Variants in PLCL2 observed in about 807,000 individuals in gnomAD.
PLCL2 encodes inactive phospholipase C-like protein 2.
PLCL2 carries 4 observed loss-of-function variants against 79.6 expected under a neutral mutation model. The ratio of observed to expected loss-of-function variants is 0.05; its 90% CI spans 0.02 to 0.11. PLCL2 has a LOEUF of 0.11. PLCL2 is among the 10% of genes least tolerant of loss of function. The pLI is 1.00. For synonymous variants in PLCL2, 484 were observed against 457.7 expected (o/e 1.06, Z -0.73); for missense variants, 895 against 1,291.0 (o/e 0.69, Z 4.70).
At chr3:17,078,531 G>A (rs2065130334) in intron 5 of PLCL2, among the ~76,000 whole-genome samples, 1 of 151,950 alleles carries the variant, frequency 6.6e-6, no homozygotes, top group Admixed American at 6.6e-5. Flanking sequence ...TTTTCCAGAT[G>A]AATGGCTGCC....
intron 1 of PLCL2, among the ~76,000 whole-genome samples, chr3:16,925,452 A>T (rs537014540): frequency 6.6e-6 from 1 of 152,260 alleles, no homozygotes; most frequent in African/African-American, 2.4e-5. Context: ...ACAATCCATT[A>T]GTTTTATTGT....
chr3:16,935,023 A>G (rs545741413), intron 1 of PLCL2, among the ~76,000 whole-genome samples: 2 of 152,348 alleles, frequency 1.3e-5, no homozygotes, highest in African/African-American at 2.4e-5. Flanking sequence ...AGAAAGGCTA[A>G]TACGCCAATT....
chr3:17,015,372 C>G (rs1408446288), intron 3 of PLCL2, among the ~76,000 whole-genome samples: 1 of 152,214 alleles, frequency 6.6e-6, no homozygotes, highest in African/African-American at 2.4e-5. Flanking sequence ...GGTTTCCCTT[C>G]TTACAGGAGC....
chr3:16,914,183 G>A (rs2124929916), intron 1 of PLCL2, among the ~76,000 whole-genome samples: 1 of 152,298 alleles, frequency 6.6e-6, no homozygotes, highest in Admixed American at 6.5e-5. Context: ...GAGAGAGAAA[G>A]TAGTTGGAGA....
intron 1 of PLCL2, among the ~76,000 whole-genome samples, chr3:16,955,759 G>C (rs1006484643): frequency 6.6e-6 from 1 of 152,120 alleles, no homozygotes; most frequent in African/African-American, 2.4e-5. Flanking sequence ...TTGTAAGCTG[G>C]ATTCCTAGGT....
In PLCL2 at chr3:17,018,259, A is replaced by G. The variant is rs1229767898; in HGVS notation, c.3018+3348A>G. Among the ~76,000 whole-genome samples, 6 of 152,258 alleles carry G rather than the reference A, an allele frequency of 3.9e-5. No individual in the cohort carries two copies. In the South Asian group the frequency reaches 6.2e-4, roughly 16 times the overall value. On this transcript the variant is annotated intron_variant, in intron 3 of 5. Transcript: ENST00000615277. ...CCTCCCAATGGTGAGCAAGGGCCCTAGAGTCCTCTCCTGCTAGAACCTAGA... is the reference window on the plus strand; with the variant it reads ...CCTCCCAATGGTGAGCAAGGGCCCTGGAGTCCTCTCCTGCTAGAACCTAGA...
At chr3:17,049,877 C>T (rs970213477) in intron 4 of PLCL2, among the ~76,000 whole-genome samples, 14 of 151,966 alleles carry the variant, frequency 9.2e-5, no homozygotes, top group African/African-American at 3.1e-4. Flanking sequence ...ATATTCAAAG[C>T]TATCTGGAGC....
intron 1 of PLCL2, among the ~76,000 whole-genome samples, chr3:16,956,364 T>C (rs941774813): frequency 5.4e-4 from 83 of 152,318 alleles, no homozygotes; most frequent in African/African-American, 1.7e-3. Flanking sequence ...CAGCCTTGCA[T>C]CCCGGGGATG....
At chr3:16,970,359 A>G (rs939685375) in intron 1 of PLCL2, among the ~76,000 whole-genome samples, 18 of 151,116 alleles carry the variant, frequency 1.2e-4, no homozygotes, top group African/African-American at 4.9e-5. Context: ...ATGATTTCCA[A>G]TTTCATCCAT....
At chr3:17,058,863 G>C (rs887931410) in intron 4 of PLCL2, among the ~76,000 whole-genome samples, 26 of 152,120 alleles carry the variant, frequency 1.7e-4, no homozygotes, top group African/African-American at 5.8e-4. Context: ...CCATTTTTCA[G>C]ATGTTTGTAT....
intron 1 of PLCL2, among the ~76,000 whole-genome samples, chr3:16,980,894 G>C (rs2063986460): frequency 6.6e-6 from 1 of 152,258 alleles, no homozygotes; most frequent in Admixed American, 6.5e-5. Context: ...GGCACCTCGG[G>C]AGGCCGAGGC....
intron 1 of PLCL2, among the ~76,000 whole-genome samples, chr3:17,004,453 C>G (rs745528829): frequency 3.3e-5 from 5 of 152,156 alleles, no homozygotes; most frequent in Admixed American, 6.5e-5. Context: ...GTTTCTGTTA[C>G]TTGCAATAAA....
At chr3:17,006,934 G>A (rs192995778) in intron 1 of PLCL2, among the ~76,000 whole-genome samples, 1 of 152,102 alleles carries the variant, frequency 6.6e-6, no homozygotes, top group East Asian at 1.9e-4. Context: ...TAACAAATTA[G>A]AAAGTGTAAC....
intron 3 of PLCL2, among the ~76,000 whole-genome samples, chr3:17,026,722 C>A (rs2064521037): frequency 2.0e-5 from 3 of 152,032 alleles, no homozygotes; most frequent in African/African-American, 7.2e-5. Flanking sequence ...CACAAATTAG[C>A]CAGGCATGAT....
intron 1 of PLCL2, among the ~76,000 whole-genome samples, chr3:16,958,189 C>A (rs1035719318): frequency 6.6e-6 from 1 of 152,022 alleles, no homozygotes; most frequent in Non-Finnish European, 1.5e-5. Context: ...TCCACATATA[C>A]ATTTTTTGAG....
intron 3 of PLCL2, among the ~76,000 whole-genome samples, chr3:17,024,058 G>A (rs1270228359): frequency 2.0e-5 from 3 of 152,136 alleles, no homozygotes; most frequent in Admixed American, 6.6e-5. Context: ...CCAGAGAAAG[G>A]CCTAGGTATT....
At chr3:16,907,731 T>TAA (rs1177168022) in intron 1 of PLCL2, among the ~76,000 whole-genome samples, 1 of 152,202 alleles carries the variant, frequency 6.6e-6, no homozygotes, top group Non-Finnish European at 1.5e-5. Flanking sequence ...AAAGCACAGC[T>TAA]TTCAATAATT....
intron 1 of PLCL2, among the ~76,000 whole-genome samples, chr3:16,939,745 A>G (rs1397522368): frequency 1.3e-5 from 2 of 152,228 alleles, no homozygotes; most frequent in African/African-American, 4.8e-5. Flanking sequence ...ACACTGCACA[A>G]AATATTGGGG....
chr3:16,937,586 G>A (rs1375815315), intron 1 of PLCL2, among the ~76,000 whole-genome samples: 1 of 152,300 alleles, frequency 6.6e-6, no homozygotes, highest in Non-Finnish European at 1.5e-5. Flanking sequence ...TTGCTGTTGC[G>A]GCTTTCTATG....
Sources: allele counts gnomAD v4.1 joint callset (sites outside exome capture counted in the v4.1 genomes callset), GRCh38; gene constraint gnomAD v4.1.1; transcripts MANE v1.5; gene names NCBI Gene and HGNC (gene_info 2026-07-23, HGNC 2026-07-21).